Variants in PADI6 observed in about 807,000 individuals in gnomAD.
PADI6 encodes the protein inactive protein-arginine deiminase type-6.
Under a neutral mutation model 78.2 loss-of-function variants are expected in PADI6, and 66 were observed. The ratio of observed to expected loss-of-function variants is 0.84; its 90% CI spans 0.69 to 1.04. The LOEUF (loss-of-function observed/expected upper bound fraction) is 1.04, where lower values mean the gene tolerates loss of function less well. Ranked by LOEUF, PADI6 falls within the 50% of genes least tolerant of loss-of-function variation. The pLI, the probability that PADI6 is intolerant of heterozygous loss-of-function variation, is 0.00. For missense variants in PADI6, 854 were observed against 866.1 expected (o/e 0.99, Z 0.18); for synonymous variants, 397 against 346.9 (o/e 1.14, Z -1.60).
At chr1:17,380,822 G>A (rs146456575) in intron 4 of PADI6, among the ~76,000 whole-genome samples, 620 of 152,182 alleles carry the variant, frequency 4.1e-3, no homozygotes, top group African/African-American at 0.013. Flanking sequence ...GAAATATGAG[G>A]TAAGTAACTG....
intron 9 of PADI6, 99 bp downstream of exon 9, chr1:17,392,324 G>T: frequency 1.1e-6 from 1 of 897,708 alleles, no homozygotes; most frequent in Non-Finnish European, 1.7e-6. Flanking sequence ...TAACCTTAAA[G>T]ACCGAAGCCT....
intron 4 of PADI6, among the ~76,000 whole-genome samples, chr1:17,380,670 T>TAAA (rs11309669): frequency 1.3e-5 from 2 of 148,218 alleles, no homozygotes; most frequent in Non-Finnish European, 3.0e-5. Flanking sequence ...TCTAGCTCAC[T>TAAA]AAAAAAAAAA....
rs1293060700 is a variant in PADI6 at position 17,379,933 on chromosome 1, G to A, written c.381G>A (p.Glu127=). 5 of 1,613,398 alleles carry A rather than the reference G, an allele frequency of 3.1e-6. No individual in the cohort carries two copies. Among genetic ancestry groups the A allele is most frequent in the Admixed American group, 3.3e-5 (2 of 59,988 alleles). ...LYLTGIEVSL[E]VDIYRNGQVE... ...CTTCTGTTTCAGAGGTCTCTCTAGA[G>A]GTAGACATCTACCGCAATGGGCAAG... The change falls in exon 4 of 16, where the codon GAG becomes GAA. Residue 127 remains glutamate, a synonymous_variant. Coordinates refer to ENST00000619609, the MANE Select transcript of PADI6 (RefSeq NM_207421.4).
intron 6 of PADI6, among the ~76,000 whole-genome samples, chr1:17,384,905 G>A (rs2075105342): frequency 6.6e-6 from 1 of 152,248 alleles, no homozygotes; most frequent in Admixed American, 6.5e-5. Flanking sequence ...CGTAAAGGGA[G>A]ATGTGTGGTG....
In PADI6 at chr1:17,379,930, A is replaced by G. The variant is rs754936742; in HGVS notation, c.378A>G (p.Leu126=). The change falls in exon 4 of 16, where the codon CTA becomes CTG. Residue 126 remains leucine (L), a synonymous_variant. Coordinates refer to ENST00000619609, the MANE Select transcript of PADI6 (RefSeq NM_207421.4). ...VLYLTGIEVS[L]EVDIYRNGQV... is the part of the protein sequence containing the mutation. ...TTTCTTCTGTTTCAGAGGTCTCTCT[A>G]GAGGTAGACATCTACCGCAATGGGC... 3.7e-6 allele frequency: 6 copies of G among 1,613,312 alleles called. No individual in the cohort carries two copies. The highest frequency in any genetic ancestry group is 5.1e-6 in the Non-Finnish European group (6 of 1,179,366).
intron 3 of PADI6, among the ~76,000 whole-genome samples, chr1:17,378,834 A>T (rs1570125855): frequency 6.6e-6 from 1 of 151,916 alleles, no homozygotes; most frequent in African/African-American, 2.4e-5. Context: ...TGAACTCCTG[A>T]CCTCAGGTGA....
intron 1 of PADI6, among the ~76,000 whole-genome samples, 188 bp downstream of exon 1, chr1:17,372,549 G>A (rs1279732791): frequency 6.6e-6 from 1 of 152,128 alleles, no homozygotes; most frequent in East Asian, 1.9e-4. Context: ...CTTAAATCCT[G>A]CCTCTGCCCT....
intron 13 of PADI6, among the ~76,000 whole-genome samples, chr1:17,395,901 C>T (rs560074629): frequency 6.6e-6 from 1 of 152,268 alleles, no homozygotes; most frequent in East Asian, 1.9e-4. Flanking sequence ...GGGGGACTCA[C>T]TTAGTACATA....
At chr1:17,384,144 A>G (rs1021684074) in intron 6 of PADI6, among the ~76,000 whole-genome samples, 4 of 149,518 alleles carry the variant, frequency 2.7e-5, no homozygotes, top group Non-Finnish European at 3.0e-5. Flanking sequence ...CTCTGTCTCA[A>G]AAAAAAAAAC....
At chr1:17,379,468 G>A (rs2075051869) in intron 3 of PADI6, among the ~76,000 whole-genome samples, 1 of 152,116 alleles carries the variant, frequency 6.6e-6, no homozygotes. Context: ...TGTTGCCCAG[G>A]CTAGTCTCCA....
rs543695827 is a variant in PADI6, at chr1:17,372,527, G to T, written c.116+166G>T. ...TGGGGGGCCTCCCAGTTCCAACCAC[G>T]CAGAATTCTGACTTAAATCCTGCCT... is the stretch of plus-strand genomic sequence containing the variant. On this transcript the variant is annotated intron_variant, in intron 1 of 15. Coordinates refer to ENST00000619609, the MANE Select transcript of PADI6 (RefSeq NM_207421.4). 2.6e-5 allele frequency among the ~76,000 whole-genome samples: 4 copies of T among 152,140 alleles called. No homozygotes were observed. In the South Asian group the frequency reaches 8.3e-4, roughly 31 times the overall value.
Position 17,375,449 on chromosome 1 carries a change from C to G in PADI6, c.317C>G (p.Pro106Arg). The change falls in exon 3 of 16, where the codon CCC (proline) becomes CGC (arginine). Residue 106 changes from proline (P) to arginine (R), a missense_variant. Pro to Arg is a moderately radical substitution (Grantham distance 103). Coordinates refer to ENST00000619609, the MANE Select transcript of PADI6 (RefSeq NM_207421.4). Reference protein sequence around the residue: ...ADKVSVTYYGPNEDAPVGTAV... With the variant: ...ADKVSVTYYGRNEDAPVGTAV... ...CAGGTCTCGGTCACATACTATGGGC[C>G]CAACGAGGATGCCCCCGTGGGCACA... The G allele has an allele frequency of 6.2e-7, 1 of 1,611,674 alleles. No homozygotes were observed. The highest frequency in any genetic ancestry group is 8.5e-7 in the Non-Finnish European group (1 of 1,179,060).
At position 17,396,183 on chromosome 1, in the gene PADI6, C is replaced by T. The variant is rs186818022; in HGVS notation, c.1618+520C>T. Among the ~76,000 whole-genome samples the T allele has an allele frequency of 7.2e-5, 11 of 152,092 alleles. No homozygotes were observed. The East Asian group carries it at 1.9e-3, about 27-fold the overall frequency. On this transcript the variant is annotated intron_variant, in intron 13 of 15. Transcript: ENST00000619609. The stretch of plus-strand genomic sequence containing the variant: ...GGCAGATCACCTGAGGCCAAAAGTT[C>T]GAGGCCAGCCTGGCCAACATGACGA...
chr1:17,400,570 T>C (rs973686100), intron 15 of PADI6, among the ~76,000 whole-genome samples: 2 of 152,222 alleles, frequency 1.3e-5, no homozygotes, highest in African/African-American at 4.8e-5. Context: ...CCAGAAGTTA[T>C]AGTCAAGAGT....
chr1:17,378,960 G>T (rs866430542), intron 3 of PADI6, among the ~76,000 whole-genome samples: 2 of 143,698 alleles, frequency 1.4e-5, no homozygotes, highest in Non-Finnish European at 3.1e-5. Flanking sequence ...TTTTTTGGGG[G>T]GGGGGACAGA....
intron 6 of PADI6, among the ~76,000 whole-genome samples, chr1:17,384,616 G>GT (rs1467552871): frequency 6.6e-6 from 1 of 152,114 alleles, no homozygotes; most frequent in East Asian, 1.9e-4. Flanking sequence ...GCTTTAGCTT[G>GT]TAATCCTAGC....
Position 17,392,240 on chromosome 1 carries a change from G to T in PADI6, c.1074+15G>T, listed in dbSNP as rs1188840286. 2 of 1,541,860 alleles carry T rather than the reference G, an allele frequency of 1.3e-6. No individual in the cohort carries two copies. Among genetic ancestry groups the T allele is most frequent in the Admixed American group, 3.9e-5 (2 of 50,984 alleles). On this transcript the variant is annotated intron_variant, in intron 9 of 15. Transcript: ENST00000619609. ...GGTGGCTCCAGGTAACACCCCACCT[G>T]GGAACCCACCTGTCGGGGAGGGGTG...
In PADI6 at chr1:17,394,452, C is replaced by T. The variant is rs1170818514; in HGVS notation, c.1335C>T (p.Pro445=). The part of the protein sequence containing the change: ...GRVLIGSSFY[P]SAEGRAMSKT... ...TCCTCATTGGCAGCAGCTTTTACCC[C>T]AGGTGAGCCACAAAGCCAGACGCCT... The change falls in exon 11 of 16, where the codon CCC becomes CCT. Residue 445 remains proline, a splice_region_variant and synonymous_variant. Coordinates refer to ENST00000619609, the MANE Select transcript of PADI6 (RefSeq NM_207421.4). 3 of 1,612,386 alleles carry T rather than the reference C, an allele frequency of 1.9e-6. No individual in the cohort carries two copies. Among genetic ancestry groups the T allele is most frequent in the East Asian group, 2.2e-5 (1 of 44,850 alleles).
At chr1:17,377,165 T>TC (rs780753138) in intron 3 of PADI6, among the ~76,000 whole-genome samples, 1 of 151,968 alleles carries the variant, frequency 6.6e-6, no homozygotes, top group Non-Finnish European at 1.5e-5. Flanking sequence ...TTTTATTTTT[T>TC]CCCCCATAGA....
Sources: gnomAD v4.1 joint callset for allele counts (sites outside exome capture counted in the v4.1 genomes callset) on GRCh38, gnomAD v4.1.1 for gene constraint, MANE v1.5 for transcripts, NCBI Gene and HGNC (gene_info 2026-07-23, HGNC 2026-07-21) for gene names.